Variants in CORO2B observed in about 807,000 individuals in gnomAD.
The protein encoded by CORO2B is coronin 2B.
A neutral mutation model predicts 58.8 loss-of-function variants in CORO2B; 26 were observed. The observed-to-expected ratio is 0.44, with a 90% CI of 0.32 to 0.61. The LOEUF (loss-of-function observed/expected upper bound fraction) is 0.61, where lower values mean the gene tolerates loss of function less well. Among genes scored for constraint, CORO2B ranks in the 20% least tolerant of loss-of-function variants. The pLI is 0.04. For missense variants in CORO2B, 460 were observed against 645.1 expected (o/e 0.71, Z 3.11); for synonymous variants, 242 against 253.8 (o/e 0.95, Z 0.44).
chr15:68,584,891 G>A (rs1899513035), intron 1 of CORO2B, among the ~76,000 whole-genome samples: 1 of 147,904 alleles, frequency 6.8e-6, no homozygotes, highest in Admixed American at 6.7e-5. Context: ...CACATGAAAA[G>A]TAGCTGTTTA....
intron 3 of CORO2B, among the ~76,000 whole-genome samples, chr15:68,697,814 G>T (rs1892550101): frequency 6.6e-6 from 1 of 152,218 alleles, no homozygotes; most frequent in African/African-American, 2.4e-5. Context: ...GCTGGTGGAG[G>T]CTGGAGAGCC....
chr15:68,723,116 CT>C (rs767517372), intron 11 of CORO2B, among the ~76,000 whole-genome samples: 49,809 of 87,310 alleles, frequency 0.57, 14,106 homozygotes, highest in East Asian at 0.71. Flanking sequence ...TACATACATT[CT>C]TTTTTTTTTT....
the CORO2B span, among the ~76,000 whole-genome samples, chr15:68,567,361 G>A: frequency 6.6e-6 from 1 of 152,368 alleles, no homozygotes; most frequent in Non-Finnish European, 1.5e-5. Context: ...GGATAAGTAT[G>A]AGAAGAAGTG....
rs78742128 is a variant in CORO2B at position 68,665,737 on chromosome 15, G to A, written c.216+20377G>A. 3.2e-3 allele frequency among the ~76,000 whole-genome samples: 481 copies of A among 151,960 alleles called. 17 individuals carry two copies. The East Asian group carries it at 0.083, about 26-fold the overall frequency. On this transcript the variant is annotated intron_variant, in intron 2 of 11. Coordinates refer to ENST00000261861, the MANE Select transcript of CORO2B (RefSeq NM_006091.5). ...CCTTTTAAAATTATATTTGCTAATTGATGATTGTATACTAGAAAGCCATAA... is the reference window on the plus strand; with the variant it reads ...CCTTTTAAAATTATATTTGCTAATTAATGATTGTATACTAGAAAGCCATAA...
At chr15:68,641,592 A>G (rs1198963197) in intron 1 of CORO2B, 2 of 985,278 alleles carry the variant, frequency 2.0e-6, no homozygotes, top group Non-Finnish European at 2.4e-6. Flanking sequence ...AACCTGGGGT[A>G]AGTGTGGACT....
the CORO2B span, among the ~76,000 whole-genome samples, chr15:68,534,144 C>T: frequency 6.6e-6 from 1 of 152,254 alleles, no homozygotes; most frequent in Non-Finnish European, 1.5e-5. Context: ...AACCACCCCA[C>T]CTAGAAGACT....
chr15:68,717,178 G>T (rs955592592), intron 8 of CORO2B, among the ~76,000 whole-genome samples: 2 of 152,026 alleles, frequency 1.3e-5, no homozygotes, highest in African/African-American at 2.4e-5. Context: ...CCTGGGTGTG[G>T]TGATACACCC....
At chr15:68,636,726 C>T (rs932021321) in intron 1 of CORO2B, among the ~76,000 whole-genome samples, 4 of 152,200 alleles carry the variant, frequency 2.6e-5, no homozygotes, top group African/African-American at 9.7e-5. Context: ...TACACCCCAC[C>T]CAGGAACTTC....
chr15:68,718,852 C>T (rs377144778), intron 9 of CORO2B, 42 bp downstream of exon 9: 100 of 1,505,638 alleles, frequency 6.6e-5, no homozygotes, highest in East Asian at 9.0e-5. Context: ...GGGCCTGCAT[C>T]GCCTCTTAGC....
At chr15:68,519,981 G>A in the CORO2B span, among the ~76,000 whole-genome samples, 1 of 152,096 alleles carries the variant, frequency 6.6e-6, no homozygotes, top group Admixed American at 6.5e-5. Flanking sequence ...ATTTATCATA[G>A]CATTCAATCC....
intron 1 of CORO2B, among the ~76,000 whole-genome samples, chr15:68,617,839 G>A (rs1477983124): frequency 6.6e-6 from 1 of 152,230 alleles, no homozygotes; most frequent in Non-Finnish European, 1.5e-5. Context: ...CCCTGTGCCT[G>A]AATGGGGCCC....
At chr15:68,562,980 GA>G in the CORO2B span, among the ~76,000 whole-genome samples, 197 of 136,062 alleles carry the variant, frequency 1.4e-3, no homozygotes, top group Admixed American at 2.1e-3. Flanking sequence ...CCATCTCAAA[GA>G]AAAAAAAAAA....
At chr15:68,556,710 G>C in the CORO2B span, among the ~76,000 whole-genome samples, 1 of 152,196 alleles carries the variant, frequency 6.6e-6, no homozygotes, top group African/African-American at 2.4e-5. Context: ...AAGTCCACTT[G>C]GTTGTTGTTC....
At chr15:68,631,630 C>T (rs530665111) in intron 1 of CORO2B, among the ~76,000 whole-genome samples, 15 of 152,262 alleles carry the variant, frequency 9.9e-5, no homozygotes, top group African/African-American at 2.2e-4. Context: ...TTACAGCCTC[C>T]GGGAGAAGTT....
At chr15:68,525,911 A>G in the CORO2B span, among the ~76,000 whole-genome samples, 1 of 152,220 alleles carries the variant, frequency 6.6e-6, no homozygotes. Flanking sequence ...TTGTGTCCCA[A>G]TCAATCACTC....
intron 1 of CORO2B, among the ~76,000 whole-genome samples, chr15:68,604,099 C>T (rs1218289817): frequency 1.3e-5 from 2 of 152,152 alleles, no homozygotes; most frequent in Non-Finnish European, 2.9e-5. Flanking sequence ...ACACAGAAAG[C>T]ATTTGGCACA....
chr15:68,521,091 A>G, the CORO2B span, among the ~76,000 whole-genome samples: 4 of 152,080 alleles, frequency 2.6e-5, no homozygotes, highest in African/African-American at 9.7e-5. Context: ...TATTTAATTC[A>G]TTTACATTTA....
chr15:68,638,371 G>A (rs950496189), intron 1 of CORO2B, among the ~76,000 whole-genome samples: 7 of 152,220 alleles, frequency 4.6e-5, no homozygotes, highest in Admixed American at 6.5e-5. Flanking sequence ...AGCAATTTGT[G>A]TTTGGTCACT....
the CORO2B span, among the ~76,000 whole-genome samples, chr15:68,551,696 C>T: frequency 2.0e-5 from 3 of 152,320 alleles, no homozygotes; most frequent in South Asian, 4.1e-4. Flanking sequence ...AAAGGCCTGG[C>T]GCCTTCTATC....
Sources: gnomAD v4.1 joint callset for allele counts (sites outside exome capture counted in the v4.1 genomes callset) on GRCh38, gnomAD v4.1.1 for gene constraint, MANE v1.5 for transcripts, NCBI Gene and HGNC (gene_info 2026-07-23, HGNC 2026-07-21) for gene names.